The following RAB10 variants were observed in gnomAD, a reference collection of about 807,000 sequenced individuals.
RAB10 encodes the protein ras-related protein Rab-10.
In RAB10, 5 loss-of-function variants were observed where a neutral mutation model predicts 25.7. That is an observed-to-expected ratio of 0.19 (90% confidence interval 0.10 to 0.41). RAB10 has a LOEUF of 0.41. RAB10 is among the 10% of genes least tolerant of loss of function. The pLI is 1.00. For synonymous variants in RAB10, 89 were observed against 86.4 expected, an observed-to-expected ratio of 1.03 and a Z score of -0.16; for missense variants, 103 against 245.8, an observed-to-expected ratio of 0.42 and a Z score of 3.89.
At chr2:26,102,832 C>A (rs1200584277) in intron 2 of RAB10, among the ~76,000 whole-genome samples, 1 of 152,062 alleles carries the variant, frequency 6.6e-6, no homozygotes, top group Non-Finnish European at 1.5e-5. Context: ...ACAGGCAAAG[C>A]CAGGGTTTTC....
intron 1 of RAB10, among the ~76,000 whole-genome samples, chr2:26,044,547 G>GT (rs756777839): frequency 0.023 from 3,200 of 142,108 alleles, 42 homozygotes; most frequent in South Asian, 0.044. Context: ...TGGCTAATTA[G>GT]TTTTTTTTTT....
At chr2:26,122,241 CAGG>C (rs964953432) in intron 3 of RAB10, among the ~76,000 whole-genome samples, 8 of 152,202 alleles carry the variant, frequency 5.3e-5, no homozygotes, top group Non-Finnish European at 7.3e-5. Flanking sequence ...GCAGCCACAG[CAGG>C]AGGTGTGAAA....
chr2:26,039,601 G>A (rs1665840663), intron 1 of RAB10, among the ~76,000 whole-genome samples: 2 of 151,972 alleles, frequency 1.3e-5, no homozygotes, highest in African/African-American at 4.8e-5. Flanking sequence ...CACCCACCTC[G>A]GCCTCCCAAA....
chr2:26,124,930 G>A (rs1042061481), intron 3 of RAB10, among the ~76,000 whole-genome samples: 7 of 152,122 alleles, frequency 4.6e-5, no homozygotes, highest in African/African-American at 1.7e-4. Context: ...TGTAGCATGT[G>A]TCAGAACTTG....
chr2:26,134,393 A>T (rs1257791625), intron 5 of RAB10, among the ~76,000 whole-genome samples: 3 of 152,238 alleles, frequency 2.0e-5, no homozygotes, highest in Admixed American at 6.5e-5. Flanking sequence ...CTGGGATTAC[A>T]GGCGTGAGGC....
chr2:26,104,716 G>T (rs563207110), intron 2 of RAB10, among the ~76,000 whole-genome samples: 1 of 151,340 alleles, frequency 6.6e-6, no homozygotes, highest in South Asian at 2.1e-4. Context: ...TTGGATTTAG[G>T]TCTTGATCTG....
intron 1 of RAB10, among the ~76,000 whole-genome samples, chr2:26,072,705 C>T (rs1666653399): frequency 6.6e-6 from 1 of 152,128 alleles, no homozygotes; most frequent in South Asian, 2.1e-4. Context: ...TATGCTTCAT[C>T]AGCCAAAACA....
chr2:26,090,590 A>T (rs1667082415), intron 1 of RAB10, among the ~76,000 whole-genome samples: 1 of 148,074 alleles, frequency 6.8e-6, no homozygotes. Flanking sequence ...TGCTTTTCTA[A>T]TTTATTATGT....
At chr2:26,051,624 A>G (rs1335349287) in intron 1 of RAB10, among the ~76,000 whole-genome samples, 10 of 149,622 alleles carry the variant, frequency 6.7e-5, no homozygotes, top group Admixed American at 1.3e-4. Flanking sequence ...CGTGGTGGTG[A>G]GTGCCTGTAG....
chr2:26,060,284 TTTTGTTTGTTTG>T (rs904917490), intron 1 of RAB10, among the ~76,000 whole-genome samples: 9 of 151,066 alleles, frequency 6.0e-5, no homozygotes, highest in Non-Finnish European at 1.2e-4. Context: ...TTTTTTGTTT[TTTTGTTTGTTTG>T]TTTGTTTGTT....
At chr2:26,108,642 T>G (rs1275369905) in intron 2 of RAB10, among the ~76,000 whole-genome samples, 1 of 151,402 alleles carries the variant, frequency 6.6e-6, no homozygotes, top group Non-Finnish European at 1.5e-5. Flanking sequence ...GAAATCTTAA[T>G]AAGGTCTGTA....
chr2:26,110,059 G>A (rs1443839751), intron 3 of RAB10, among the ~76,000 whole-genome samples, 153 bp downstream of exon 3: 1 of 152,018 alleles, frequency 6.6e-6, no homozygotes, highest in Non-Finnish European at 1.5e-5. Context: ...AATGTTGGCC[G>A]GGCATGGTGG....
chr2:26,117,364 A>G (rs1291750117), intron 3 of RAB10, among the ~76,000 whole-genome samples: 1 of 152,134 alleles, frequency 6.6e-6, no homozygotes, highest in African/African-American at 2.4e-5. Flanking sequence ...TTGTAATCCC[A>G]GCACTTTGGG....
intron 1 of RAB10, among the ~76,000 whole-genome samples, chr2:26,070,973 A>G (rs1559584193): frequency 2.6e-5 from 4 of 152,314 alleles, no homozygotes; most frequent in Middle Eastern, 3.4e-3. Context: ...AAGCAATGGT[A>G]TGTAAAATTG....
At position 26,132,532 on chromosome 2, in the gene RAB10, C is replaced by T. The variant is rs545029303; in HGVS notation, c.520-2406C>T. 5.9e-5 allele frequency among the ~76,000 whole-genome samples: 9 copies of T among 152,292 alleles called. No individual in the cohort carries two copies. The East Asian group carries it at 9.6e-4, about 16-fold the overall frequency. On this transcript the variant is annotated intron_variant, in intron 5 of 5. Coordinates refer to ENST00000264710, the MANE Select transcript of RAB10 (RefSeq NM_016131.5). Reference sequence around the variant, plus strand: ...CCTCCCAAAGTGCTGGGATTACAGGCGTGAGCCACCACGCGTGACCTGAAA... The same window carrying T: ...CCTCCCAAAGTGCTGGGATTACAGGTGTGAGCCACCACGCGTGACCTGAAA...
At chr2:26,059,166 A>G (rs1666345238) in intron 1 of RAB10, among the ~76,000 whole-genome samples, 2 of 152,222 alleles carry the variant, frequency 1.3e-5, no homozygotes, top group African/African-American at 4.8e-5. Context: ...TATTACACTA[A>G]TTGCTTTACC....
intron 1 of RAB10, among the ~76,000 whole-genome samples, chr2:26,040,799 T>C (rs1665867309): frequency 6.6e-6 from 1 of 152,174 alleles, no homozygotes; most frequent in African/African-American, 2.4e-5. Context: ...GCTATGGTTT[T>C]TTGAAGAAAT....
intron 1 of RAB10, among the ~76,000 whole-genome samples, chr2:26,063,274 G>C (rs1372979632): frequency 6.6e-6 from 1 of 152,192 alleles, no homozygotes; most frequent in South Asian, 2.1e-4. Context: ...GGGACCATCT[G>C]TTCCTTATGT....
At chr2:26,117,178 A>G (rs1449947020) in intron 3 of RAB10, among the ~76,000 whole-genome samples, 1 of 152,098 alleles carries the variant, frequency 6.6e-6, no homozygotes, top group Non-Finnish European at 1.5e-5. Flanking sequence ...GCGAATGTCC[A>G]AGAGGGGGAG....
Sources: gnomAD v4.1 joint callset for allele counts (sites outside exome capture counted in the v4.1 genomes callset) on GRCh38, gnomAD v4.1.1 for gene constraint, MANE v1.5 for transcripts, NCBI Gene and HGNC (gene_info 2026-07-23, HGNC 2026-07-21) for gene names.